PLCG1: variants seen among roughly 807,000 people sequenced by gnomAD.
PLCG1 encodes 1-phosphatidylinositol 4,5-bisphosphate phosphodiesterase gamma-1.
Under a neutral mutation model 177.8 loss-of-function variants are expected in PLCG1, and 71 were observed. The ratio of observed to expected loss-of-function variants is 0.40; its 90% confidence interval spans 0.33 to 0.49. PLCG1 has a LOEUF of 0.49. PLCG1 is among the 20% of genes least tolerant of loss of function. The pLI, the probability that PLCG1 is intolerant of heterozygous loss-of-function variation, is 0.72. For missense variants in PLCG1, 1,281 were observed against 1,709.0 expected (o/e 0.75, Z 4.42); for synonymous variants, 658 against 647.9 (o/e 1.02, Z -0.24).
At chr20:41,155,023 C>T (rs1426669302) in intron 1 of PLCG1, among the ~76,000 whole-genome samples, 2 of 152,222 alleles carry the variant, frequency 1.3e-5, no homozygotes, top group Admixed American at 1.3e-4. Flanking sequence ...AACTGCTGGT[C>T]TCTAATCTCT....
In PLCG1 at chr20:41,137,918, C is replaced by G; in HGVS notation, c.217+60C>G. ...GCGCGGGGGTCGTGGGAGCCCGGCC[C>G]GACTGCTTGCACCCCGGCCGGCCGC... On this transcript the variant is annotated intron_variant, in intron 1 of 31. Coordinates refer to ENST00000685551, the MANE Select transcript of PLCG1 (RefSeq NM_002660.3). This position sits in a 1 kb window ranked among gnomAD's most constrained non-coding sequence, Gnocchi z 7.3. 8.8e-7 allele frequency: 1 copy of G among 1,137,926 alleles called. No homozygotes were observed. The highest frequency in any genetic ancestry group is 1.1e-6 in the Non-Finnish European group (1 of 889,956). The allele number at this position is 1,137,926 out of a possible 1,614,324, so 70.5% of individuals were successfully genotyped here.
intron 1 of PLCG1, among the ~76,000 whole-genome samples, chr20:41,139,145 C>T (rs2034726104): frequency 6.6e-6 from 1 of 152,182 alleles, no homozygotes. Flanking sequence ...GCCAACCATC[C>T]TCAGCTACAA....
At chr20:41,161,760 C>A (rs1299705778) in intron 4 of PLCG1, among the ~76,000 whole-genome samples, 1 of 151,800 alleles carries the variant, frequency 6.6e-6, no homozygotes, top group Non-Finnish European at 1.5e-5. Context: ...GAAAGCCCCC[C>A]CCTTCCCCCT....
At chr20:41,142,895 T>A (rs1000388997) in intron 1 of PLCG1, among the ~76,000 whole-genome samples, 1 of 152,198 alleles carries the variant, frequency 6.6e-6, no homozygotes, top group Admixed American at 6.5e-5. Context: ...GATTAAGTTC[T>A]CAGGAGGACC....
chr20:41,169,265 C>CTTGGG, intron 22 of PLCG1, 90 bp downstream of exon 22: 1 of 1,026,588 alleles, frequency 9.7e-7, no homozygotes, highest in Non-Finnish European at 1.5e-6. Flanking sequence ...CACGCACGTG[C>CTTGGG]ATGCACAGAC....
At position 41,164,653 on chromosome 20, in the gene PLCG1, G is replaced by T. The variant is rs1257871551; in HGVS notation, c.1218-280G>T. 6.6e-6 allele frequency among the ~76,000 whole-genome samples: 1 copy of T among 152,050 alleles called. No individual in the cohort carries two copies. Among genetic ancestry groups the T allele is most frequent in the Non-Finnish European group, 1.5e-5 (1 of 68,018 alleles). On this transcript the variant is annotated intron_variant, in intron 12 of 31. Transcript: ENST00000685551. This position sits in a 1 kb window ranked among gnomAD's most constrained non-coding sequence, Gnocchi z 6.4. ...ACTTTGGAGGCTTCTCCTCTCTCCTGGCCTCTTTGGTGTGAAACATTTTTC... is the reference window on the plus strand; with the variant it reads ...ACTTTGGAGGCTTCTCCTCTCTCCTTGCCTCTTTGGTGTGAAACATTTTTC...
rs2034926564 is a variant in PLCG1, at chr20:41,144,247, A to G, written c.217+6389A>G. Among the ~76,000 whole-genome samples the G allele has an allele frequency of 6.6e-6, 1 of 152,234 alleles. No individual in the cohort carries two copies. The highest frequency in any genetic ancestry group is 2.4e-5 in the African/African-American group (1 of 41,468). On this transcript the variant is annotated intron_variant, in intron 1 of 31. Coordinates refer to ENST00000685551, the MANE Select transcript of PLCG1 (RefSeq NM_002660.3). This position sits in a 1 kb window ranked among gnomAD's most constrained non-coding sequence, Gnocchi z 4.1. ...ACATAGCAAGTTCATGGCAGATCCTAGGATTTCAGATTCCTGCTATAGTAT... is the reference window on the plus strand; with the variant it reads ...ACATAGCAAGTTCATGGCAGATCCTGGGATTTCAGATTCCTGCTATAGTAT...
rs1010512863 is a variant in PLCG1 at position 41,177,211 on chromosome 20, G to C, written c.*2702G>C. ...CTGGCTGACAGACCAGGGACAAGTA[G>C]ACTGGGTTCAAAGTGACAGACCTTT... is the stretch of plus-strand genomic sequence containing the variant. On this transcript the variant is annotated 3_prime_UTR_variant, in exon 32 of 32. Transcript: ENST00000685551. 1.3e-5 allele frequency: 2 copies of C among 152,240 alleles called. No individual in the cohort carries two copies. Among genetic ancestry groups the C allele is most frequent in the Non-Finnish European group, 2.9e-5 (2 of 68,042 alleles). The allele number at this position is 152,240 out of a possible 1,614,324, so 9.4% of individuals were successfully genotyped here. A position where few individuals can be genotyped will look rare whatever the true frequency, so the allele number is the denominator to read the frequency against.
chr20:41,166,561 C>T lies in PLCG1; in HGVS notation c.2086C>T (p.Arg696Trp), dbSNP rs764393595. The change falls in exon 18 of 32, where the codon CGG (arginine) becomes TGG (tryptophan). Residue 696 changes from arginine to tryptophan, a missense_variant. Arg to Trp is a moderately radical substitution (Grantham distance 101). Coordinates refer to ENST00000685551, the MANE Select transcript of PLCG1 (RefSeq NM_002660.3). The surrounding 1 kb of genome is among the most constrained non-coding windows in gnomAD (Gnocchi z 8.6). Reference sequence around the variant, plus strand: ...TGATGGGGCCTTCCTGGTGCGGAAGCGGAATGAACCCAACTCATATGCCAT... The same window carrying T: ...TGATGGGGCCTTCCTGGTGCGGAAGTGGAATGAACCCAACTCATATGCCAT... ...PRDGAFLVRK[R>W]NEPNSYAISF... The T allele has an allele frequency of 6.2e-7, 1 of 1,614,050 alleles. No individual in the cohort carries two copies. Among genetic ancestry groups the T allele is most frequent in the Non-Finnish European group, 8.5e-7 (1 of 1,180,046 alleles).
At position 41,160,902 on chromosome 20, in the gene PLCG1, T is replaced by G. The variant is rs1297383838; in HGVS notation, c.512+749T>G. ...GACTGAGATGAGAAGATCATGGGAC[T>G]AGCCCATTTGGAGGGAAGCTTGGGT... On this transcript the variant is annotated intron_variant, in intron 4 of 31. Coordinates refer to ENST00000685551, the MANE Select transcript of PLCG1 (RefSeq NM_002660.3). The surrounding 1 kb of genome is among the most constrained non-coding windows in gnomAD (Gnocchi z 5.5). Among the ~76,000 whole-genome samples the G allele has an allele frequency of 6.6e-6, 1 of 152,216 alleles. No individual in the cohort carries two copies. The highest frequency in any genetic ancestry group is 1.5e-5 in the Non-Finnish European group (1 of 68,040).
Position 41,166,943 on chromosome 20 carries a change from C to A in PLCG1, c.2301+84C>A. On this transcript the variant is annotated intron_variant, in intron 19 of 31. Coordinates refer to ENST00000685551, the MANE Select transcript of PLCG1 (RefSeq NM_002660.3). This position sits in a 1 kb window ranked among gnomAD's most constrained non-coding sequence, Gnocchi z 8.6. Reference sequence around the variant, plus strand: ...ACCAGTCTCTGGATGTGTGTAACAGCAAGACCTGGTGTGTTGTAGAAGTTC... The same window carrying A: ...ACCAGTCTCTGGATGTGTGTAACAGAAAGACCTGGTGTGTTGTAGAAGTTC... 2.3e-6 allele frequency: 3 copies of A among 1,309,996 alleles called. No individual in the cohort carries two copies. The highest frequency in any genetic ancestry group is 3.3e-6 in the Non-Finnish European group (3 of 917,034). 81.1% of individuals were successfully genotyped at this position (1,309,996 alleles called of 1,614,324 possible).
In PLCG1 at chr20:41,173,515, G is replaced by A; in HGVS notation, c.3375G>A (p.Lys1125=). 6.2e-7 allele frequency: 1 copy of A among 1,613,710 alleles called. No homozygotes were observed. The highest frequency in any genetic ancestry group is 8.5e-7 in the Non-Finnish European group (1 of 1,179,912). Residue 1125 remains lysine, a synonymous_variant, in exon 28 of 32, where the codon AAG becomes AAA. Transcript: ENST00000685551. The surrounding 1 kb of genome is among the most constrained non-coding windows in gnomAD (Gnocchi z 6.2). ...CTGGAGCTGAGTATGACAGCACCAAGCAGAAGACAGAGTTTGTGGGTCAGT... is the reference window on the plus strand; with the variant it reads ...CTGGAGCTGAGTATGACAGCACCAAACAGAAGACAGAGTTTGTGGGTCAGT... ...EVAGAEYDST[K]QKTEFVVDNG...
At position 41,165,995 on chromosome 20, in the gene PLCG1, C is replaced by A. The variant is rs1423219152; in HGVS notation, c.1799+169C>A. The A allele has an allele frequency of 2.4e-5, 16 of 680,336 alleles. No individual in the cohort carries two copies. Among genetic ancestry groups the A allele is most frequent in the Non-Finnish European group, 3.1e-5 (13 of 413,298 alleles). The allele number at this position is 680,336 out of a possible 1,614,324, so 42.1% of individuals were successfully genotyped here. A position where few individuals can be genotyped will look rare whatever the true frequency, so the allele number is the denominator to read the frequency against. ...ACACACACACTCTCTGTCTCACCCC[C>A]CCCCCATACCCCTCCCTTTTCGGTT... On this transcript the variant is annotated intron_variant, in intron 16 of 31. Coordinates refer to ENST00000685551, the MANE Select transcript of PLCG1 (RefSeq NM_002660.3). The surrounding 1 kb of genome is among the most constrained non-coding windows in gnomAD (Gnocchi z 6.6).
In PLCG1 at chr20:41,166,135, T is replaced by G. The variant is rs36014603; in HGVS notation, c.1800-59T>G. 0.026 allele frequency: 37,564 copies of G among 1,472,918 alleles called. 631 individuals carry two copies. Among genetic ancestry groups the G allele is most frequent in the Middle Eastern group, 0.043 (251 of 5,790 alleles). The allele number at this position is 1,472,918 out of a possible 1,614,324, so 91.2% of individuals were successfully genotyped here. ...GTTCCACCCTCATTTGGGGTGGAAC[T>G]TGGTCTTTGGGGCCCTGGCCTGTTT... On this transcript the variant is annotated intron_variant, in intron 16 of 31. Coordinates refer to ENST00000685551, the MANE Select transcript of PLCG1 (RefSeq NM_002660.3). This position sits in a 1 kb window ranked among gnomAD's most constrained non-coding sequence, Gnocchi z 8.6.
At position 41,163,409 on chromosome 20, in the gene PLCG1, A is replaced by C. The variant is rs1555814297; in HGVS notation, c.821A>C (p.Gln274Pro). 1 of 1,613,252 alleles carries C rather than the reference A, an allele frequency of 6.2e-7. No individual in the cohort carries two copies. The highest frequency in any genetic ancestry group is 8.5e-7 in the Non-Finnish European group (1 of 1,179,626). ...ELWAVDRLQV[Q>P]EFMLSFLRDP... ...TGGGCTGTTGATCGCCTCCAGGTGC[A>C]GGAGTTCATGCTCAGCTTCCTCCGA... is the stretch of plus-strand genomic sequence containing the variant. Residue 274 changes from glutamine to proline, a missense_variant, in exon 9 of 32, where the codon CAG becomes CCG. Physicochemically the swap from Gln to Pro is moderately conservative, Grantham distance 76. Transcript: ENST00000685551. This position sits in a 1 kb window ranked among gnomAD's most constrained non-coding sequence, Gnocchi z 5.2.
rs2035585616 is a variant in PLCG1, at chr20:41,163,587, C to T, written c.891+108C>T. 2.8e-6 allele frequency: 3 copies of T among 1,057,514 alleles called. No individual in the cohort carries two copies. The highest frequency in any genetic ancestry group is 2.9e-6 in the Non-Finnish European group (2 of 681,590). 65.5% of individuals were successfully genotyped at this position (1,057,514 alleles called of 1,614,324 possible). A position where few individuals can be genotyped will look rare whatever the true frequency, so the allele number is the denominator to read the frequency against. ...GCTCCTTAGGGATGCCACCTTGTTTCTACCTACTGTGCACCTTGCCCACCC... is the reference window on the plus strand; with the variant it reads ...GCTCCTTAGGGATGCCACCTTGTTTTTACCTACTGTGCACCTTGCCCACCC... On this transcript the variant is annotated intron_variant, in intron 9 of 31. Coordinates refer to ENST00000685551, the MANE Select transcript of PLCG1 (RefSeq NM_002660.3). This position sits in a 1 kb window ranked among gnomAD's most constrained non-coding sequence, Gnocchi z 5.2.
Position 41,172,641 on chromosome 20 carries a change from C to T in PLCG1, c.3126C>T (p.Thr1042=), listed in dbSNP as rs1164110457. ...AGCTTGTGGCCCTCAACTTCCAGAC[C>T]CCTGGTGAGGAAGTCCCCTGTGAGG... The part of the protein sequence containing the change: ...GSQLVALNFQ[T]PDKPMQMNQA... Residue 1042 remains threonine (T), a synonymous_variant, in exon 26 of 32, where the codon ACC becomes ACT. Transcript: ENST00000685551. The surrounding 1 kb of genome is among the most constrained non-coding windows in gnomAD (Gnocchi z 7.0). The T allele has an allele frequency of 1.2e-6, 2 of 1,613,822 alleles. No homozygotes were observed. The highest frequency in any genetic ancestry group is 2.7e-5 in the African/African-American group (2 of 74,930).
At position 41,165,432 on chromosome 20, in the gene PLCG1, C is replaced by T. The variant is rs773037323; in HGVS notation, c.1510-18C>T. 8.1e-6 allele frequency: 13 copies of T among 1,613,806 alleles called. No homozygotes were observed. The highest frequency in any genetic ancestry group is 1.1e-5 in the Non-Finnish European group (13 of 1,179,860). On this transcript the variant is annotated intron_variant, in intron 14 of 31. Transcript: ENST00000685551. The surrounding 1 kb of genome is among the most constrained non-coding windows in gnomAD (Gnocchi z 6.6). ...TGTGAGGACCCTGGCTCACAAGTCC[C>T]TCTTTGGTCTGTTCCAGGAATGGTA...
chr20:41,163,096 C>G lies in PLCG1; in HGVS notation c.716+104C>G. On this transcript the variant is annotated intron_variant, in intron 7 of 31. Coordinates refer to ENST00000685551, the MANE Select transcript of PLCG1 (RefSeq NM_002660.3). This position sits in a 1 kb window ranked among gnomAD's most constrained non-coding sequence, Gnocchi z 5.2. ...GAGGCAGTGGGAGTAGGGAACCATG[C>G]TGGACCATTCTGGGAAGCTGTGCTG... 17 of 1,492,116 alleles carry G rather than the reference C, an allele frequency of 1.1e-5. No homozygotes were observed. Among genetic ancestry groups the G allele is most frequent in the Non-Finnish European group, 1.6e-5 (17 of 1,071,876 alleles). 92.4% of individuals were successfully genotyped at this position (1,492,116 alleles called of 1,614,324 possible).
Sources: allele counts gnomAD v4.1 joint callset (sites outside exome capture counted in the v4.1 genomes callset), GRCh38; gene constraint gnomAD v4.1.1; non-coding constraint Gnocchi (gnomAD v3.1); transcripts MANE v1.5; gene names NCBI Gene and HGNC (gene_info 2026-07-23, HGNC 2026-07-21).